GRIA4: variants seen among roughly 807,000 people sequenced by gnomAD.
GRIA4 encodes the protein glutamate ionotropic receptor AMPA type subunit 4, also known as glutamate receptor 4.
GRIA4 carries 34 observed loss-of-function variants against 104.0 expected under a neutral mutation model. The ratio of observed to expected loss-of-function variants is 0.33; its 90% confidence interval spans 0.25 to 0.44. GRIA4 has a LOEUF of 0.44. Ranked by LOEUF, GRIA4 falls within the 20% of genes least tolerant of loss-of-function variation. The probability of loss-of-function intolerance (pLI) is 1.00; values close to 1 mark genes in which losing one functional copy is unlikely to be tolerated. For synonymous variants in GRIA4, 386 were observed against 381.9 expected, an observed-to-expected ratio of 1.01 and a Z score of -0.13; for missense variants, 750 against 1,096.5, an observed-to-expected ratio of 0.68 and a Z score of 4.46.
intron 3 of GRIA4, chr11:105,614,372 G>A (rs1176507937): frequency 6.6e-6 from 1 of 151,700 alleles, no homozygotes; most frequent in Non-Finnish European, 1.5e-5. Flanking sequence ...TGGGATAACT[G>A]TAACTAGTAT....
chr11:105,892,184 G>A (rs754828940), intron 6 of GRIA4, among the ~76,000 whole-genome samples: 1 of 151,936 alleles, frequency 6.6e-6, no homozygotes. Flanking sequence ...ACCCGTCAGG[G>A]GGACCTAATA....
At chr11:105,829,077 C>T (rs563569782) in intron 4 of GRIA4, among the ~76,000 whole-genome samples, 3 of 99,562 alleles carry the variant, frequency 3.0e-5, no homozygotes, top group Admixed American at 1.1e-4. Flanking sequence ...TTATTGTGTG[C>T]TATATCCAGT....
chr11:105,905,398 T>C, intron 9 of GRIA4, 97 bp downstream of exon 9: 1 of 670,010 alleles, frequency 1.5e-6, no homozygotes, highest in Non-Finnish European at 2.7e-6. Context: ...GAACATTTCC[T>C]TTTTTTGTGA....
chr11:105,626,041 G>A (rs906292897), intron 3 of GRIA4, among the ~76,000 whole-genome samples: 2 of 152,232 alleles, frequency 1.3e-5, no homozygotes, highest in Non-Finnish European at 2.9e-5. Flanking sequence ...TAGGATAGAT[G>A]TGGGATGATG....
intron 3 of GRIA4, among the ~76,000 whole-genome samples, chr11:105,657,158 C>T (rs1325827013): frequency 2.0e-5 from 3 of 151,842 alleles, no homozygotes; most frequent in Non-Finnish European, 4.4e-5. Flanking sequence ...ACCTTCAGTT[C>T]CAATAGTTAA....
intron 4 of GRIA4, among the ~76,000 whole-genome samples, chr11:105,808,088 T>C (rs752857223): frequency 6.6e-6 from 1 of 151,988 alleles, no homozygotes; most frequent in Non-Finnish European, 1.5e-5. Context: ...TAGATCCTAC[T>C]CTGCATTTCA....
At chr11:105,672,704 T>C (rs1367658114) in intron 3 of GRIA4, among the ~76,000 whole-genome samples, 1 of 152,102 alleles carries the variant, frequency 6.6e-6, no homozygotes, top group Non-Finnish European at 1.5e-5. Context: ...CTTGCTGCAT[T>C]GGCACCTTTC....
chr11:105,792,914 C>A (rs1591265559), intron 4 of GRIA4, among the ~76,000 whole-genome samples: 3 of 151,816 alleles, frequency 2.0e-5, no homozygotes, highest in Admixed American at 6.6e-5. Context: ...GTCCAACATA[C>A]AAGACAGGCT....
chr11:105,845,097 G>A (rs1944535604), intron 4 of GRIA4, among the ~76,000 whole-genome samples: 1 of 152,168 alleles, frequency 6.6e-6, no homozygotes, highest in Non-Finnish European at 1.5e-5. Context: ...TTGCAGGTGA[G>A]TGGGCTTAGC....
intron 9 of GRIA4, among the ~76,000 whole-genome samples, chr11:105,906,869 G>C (rs539070719): frequency 6.6e-5 from 10 of 152,302 alleles, no homozygotes; most frequent in African/African-American, 2.4e-4. Flanking sequence ...TAGCTGGGGA[G>C]CAGATAGGAT....
chr11:105,735,600 A>G (rs560870494), intron 3 of GRIA4, among the ~76,000 whole-genome samples: 1 of 152,258 alleles, frequency 6.6e-6, no homozygotes, highest in Admixed American at 6.5e-5. Context: ...TGTTCCTTCT[A>G]TTTGAATGGA....
intron 7 of GRIA4, 76 bp downstream of exon 7, chr11:105,898,503 C>G (rs1443510081): frequency 5.4e-6 from 5 of 923,364 alleles, no homozygotes; most frequent in Admixed American, 5.2e-5. Context: ...TACAGTTTTT[C>G]CATTAACATT....
At chr11:105,744,933 G>C (rs905540030) in intron 3 of GRIA4, among the ~76,000 whole-genome samples, 4 of 152,022 alleles carry the variant, frequency 2.6e-5, no homozygotes, top group African/African-American at 9.7e-5. Flanking sequence ...ACATTTTCCA[G>C]CTGCAGGTTC....
intron 4 of GRIA4, among the ~76,000 whole-genome samples, chr11:105,861,439 G>C (rs649098): frequency 0.57 from 86,173 of 151,904 alleles, 25,313 homozygotes; most frequent in African/African-American, 0.74. Context: ...TTATTCAACT[G>C]ATCCCCAGTC....
At chr11:105,709,664 C>A (rs1451880541) in intron 3 of GRIA4, among the ~76,000 whole-genome samples, 1 of 151,974 alleles carries the variant, frequency 6.6e-6, no homozygotes, top group Admixed American at 6.6e-5. Context: ...GTATTTCTGC[C>A]ACATGCAAAA....
At chr11:105,664,202 G>T (rs371010431) in intron 3 of GRIA4, among the ~76,000 whole-genome samples, 5 of 149,614 alleles carry the variant, frequency 3.3e-5, no homozygotes, top group African/African-American at 9.9e-5. Context: ...ATTAGGAAAG[G>T]TCTCTCATAT....
chr11:105,697,202 G>C (rs1162996558), intron 3 of GRIA4, among the ~76,000 whole-genome samples: 1 of 152,118 alleles, frequency 6.6e-6, no homozygotes, highest in Non-Finnish European at 1.5e-5. Flanking sequence ...CTGTTTTGGT[G>C]GTATGAGAAA....
At chr11:105,804,315 G>A (rs113234857) in intron 4 of GRIA4, among the ~76,000 whole-genome samples, 3 of 150,718 alleles carry the variant, frequency 2.0e-5, no homozygotes, top group African/African-American at 7.3e-5. Context: ...AACATCAAAT[G>A]TTCTTGCTTC....
chr11:105,956,806 G>A (rs1356237047), intron 14 of GRIA4, among the ~76,000 whole-genome samples: 2 of 152,148 alleles, frequency 1.3e-5, no homozygotes, highest in Non-Finnish European at 2.9e-5. Context: ...CATTCTAACT[G>A]GTGTCAGATG....
Sources: allele counts gnomAD v4.1 joint callset (sites outside exome capture counted in the v4.1 genomes callset), GRCh38; gene constraint gnomAD v4.1.1; transcripts MANE v1.5; gene names NCBI Gene and HGNC (gene_info 2026-07-23, HGNC 2026-07-21).